The following SEMA5A variants were observed in gnomAD, a reference collection of about 807,000 sequenced individuals.
SEMA5A encodes semaphorin 5A, also known as semaphorin-5A.
A neutral mutation model predicts 135.5 loss-of-function variants in SEMA5A; 55 were observed. The ratio of observed to expected loss-of-function variants is 0.41; its 90% CI spans 0.33 to 0.51. The LOEUF is 0.51. SEMA5A is among the 20% of genes least tolerant of loss of function. The pLI is 0.37. For synonymous variants in SEMA5A, 580 were observed against 546.5 expected (o/e 1.06, Z -0.85); for missense variants, 1,290 against 1,419.9 (o/e 0.91, Z 1.47).
chr5:9,419,290 G>A (rs1757384203), intron 2 of SEMA5A, among the ~76,000 whole-genome samples: 1 of 152,200 alleles, frequency 6.6e-6, no homozygotes, highest in South Asian at 2.1e-4. Context: ...GACCAAGCAT[G>A]TGGTCGATCT....
intron 2 of SEMA5A, among the ~76,000 whole-genome samples, chr5:9,404,491 T>G (rs1314415614): frequency 1.3e-5 from 2 of 152,214 alleles, no homozygotes; most frequent in Non-Finnish European, 2.9e-5. Flanking sequence ...GCCCATAATC[T>G]TCTAATACCA....
chr5:9,473,751 G>A (rs1759568212), intron 1 of SEMA5A, among the ~76,000 whole-genome samples: 1 of 152,136 alleles, frequency 6.6e-6, no homozygotes, highest in South Asian at 2.1e-4. Context: ...GAAAAACTCA[G>A]CCCTGTAAAC....
At chr5:9,401,096 ATTCTTTTCCCAGAAT>A (rs1010434672) in intron 2 of SEMA5A, among the ~76,000 whole-genome samples, 18 of 152,200 alleles carry the variant, frequency 1.2e-4, no homozygotes, top group African/African-American at 4.3e-4. Flanking sequence ...AAAAATTTCC[ATTCTTTTCCCAGAAT>A]TTTTTTTCCA....
intron 3 of SEMA5A, among the ~76,000 whole-genome samples, chr5:9,345,027 G>A (rs1349104889): frequency 6.6e-6 from 1 of 152,122 alleles, no homozygotes; most frequent in Non-Finnish European, 1.5e-5. Flanking sequence ...GAATATCTAA[G>A]TAGAAGTACC....
intron 2 of SEMA5A, among the ~76,000 whole-genome samples, chr5:9,383,662 C>A (rs1755708940): frequency 6.6e-6 from 1 of 152,210 alleles, no homozygotes; most frequent in Admixed American, 6.5e-5. Context: ...AGAGCACATT[C>A]TTTTCTTACA....
chr5:9,373,772 A>G (rs1755240470), intron 3 of SEMA5A, among the ~76,000 whole-genome samples: 1 of 152,212 alleles, frequency 6.6e-6, no homozygotes, highest in Admixed American at 6.5e-5. Context: ...GGACCCACGC[A>G]AAGTACAGCA....
At chr5:9,258,630 C>G (rs2150508006) in intron 5 of SEMA5A, among the ~76,000 whole-genome samples, 1 of 152,160 alleles carries the variant, frequency 6.6e-6, no homozygotes, top group South Asian at 2.1e-4. Flanking sequence ...CCCTATCCCT[C>G]ATTTTTCCTC....
At chr5:9,047,553 T>C (rs1318210271) in intron 21 of SEMA5A, among the ~76,000 whole-genome samples, 1 of 152,196 alleles carries the variant, frequency 6.6e-6, no homozygotes, top group African/African-American at 2.4e-5. Flanking sequence ...TTTTCTGCTG[T>C]TGATTTTGAT....
chr5:9,162,862 G>T (rs1034178730), intron 11 of SEMA5A, among the ~76,000 whole-genome samples: 1 of 152,018 alleles, frequency 6.6e-6, no homozygotes, highest in Admixed American at 6.6e-5. Flanking sequence ...ATTTCCAAAG[G>T]TCAGACTACT....
intron 1 of SEMA5A, among the ~76,000 whole-genome samples, chr5:9,505,768 T>G (rs1263010254): frequency 6.6e-6 from 1 of 152,216 alleles, no homozygotes; most frequent in Non-Finnish European, 1.5e-5. Flanking sequence ...TTCTAACTGC[T>G]GCTAGGAGGT....
chr5:9,524,085 T>A (rs1365530367), intron 1 of SEMA5A, among the ~76,000 whole-genome samples: 1 of 152,150 alleles, frequency 6.6e-6, no homozygotes, highest in Non-Finnish European at 1.5e-5. Flanking sequence ...ATCCCCCTAG[T>A]GCAGTGTTGT....
At chr5:9,448,905 G>T (rs192111878) in intron 1 of SEMA5A, among the ~76,000 whole-genome samples, 17 of 152,286 alleles carry the variant, frequency 1.1e-4, no homozygotes, top group Admixed American at 7.2e-4. Flanking sequence ...TTAGTCAGCT[G>T]ACTTCACATT....
chr5:9,083,755 G>A (rs1434640021), intron 16 of SEMA5A, among the ~76,000 whole-genome samples: 1 of 152,172 alleles, frequency 6.6e-6, no homozygotes, highest in Non-Finnish European at 1.5e-5. Context: ...ATGTGGAAGT[G>A]CCATCAGCCT....
At chr5:9,446,663 C>A (rs756366892) in intron 1 of SEMA5A, among the ~76,000 whole-genome samples, 8 of 152,060 alleles carry the variant, frequency 5.3e-5, no homozygotes, top group Admixed American at 3.3e-4. Context: ...AATGTGGTCT[C>A]TCAATTCCTA....
At chr5:9,246,229 A>G (rs1394138910) in intron 5 of SEMA5A, among the ~76,000 whole-genome samples, 1 of 150,036 alleles carries the variant, frequency 6.7e-6, no homozygotes, top group Non-Finnish European at 1.5e-5. Flanking sequence ...ATGTAGCGAA[A>G]AAAATCAAAT....
rs114485992 is a variant in SEMA5A, at chr5:9,372,369, G to C, written c.124+7454C>G. Among the ~76,000 whole-genome samples, 396 of 150,986 alleles carry C rather than the reference G, an allele frequency of 2.6e-3. 3 individuals are homozygous for C. Among genetic ancestry groups the C allele is most frequent in the African/African-American group, 8.9e-3 (366 of 41,016 alleles). ...GGACACGCATGGAACTGTGGGACAC[G>C]CGTGGAGCCATGCGGCATGCAAGGA... On this transcript the variant is annotated intron_variant, in intron 3 of 22. Transcript: ENST00000382496.
At chr5:9,183,330 T>C (rs897386501) in intron 11 of SEMA5A, among the ~76,000 whole-genome samples, 1 of 152,158 alleles carries the variant, frequency 6.6e-6, no homozygotes, top group Non-Finnish European at 1.5e-5. Context: ...GACATCCCTC[T>C]GGGTGAGGCT....
At position 9,335,392 on chromosome 5, in the gene SEMA5A, T is replaced by C. The variant is rs1483482382; in HGVS notation, c.224+2321A>G. On this transcript the variant is annotated intron_variant, in intron 4 of 22. Transcript: ENST00000382496. ...AAGACATCTCTTCAAAATACCCTAA[T>C]TTGCTCTGTGGCTTCTCACATCCCT... Among the ~76,000 whole-genome samples the C allele has an allele frequency of 2.0e-5, 3 of 152,290 alleles. No homozygotes were observed. The East Asian group carries it at 5.8e-4, about 29-fold the overall frequency.
At chr5:9,538,556 C>T (rs1031893966) in intron 1 of SEMA5A, among the ~76,000 whole-genome samples, 1 of 152,210 alleles carries the variant, frequency 6.6e-6, no homozygotes, top group Non-Finnish European at 1.5e-5. Flanking sequence ...CAAAGATGTT[C>T]CCCCTGAGCT....
Sources: allele counts gnomAD v4.1 joint callset (sites outside exome capture counted in the v4.1 genomes callset), GRCh38; gene constraint gnomAD v4.1.1; transcripts MANE v1.5; gene names NCBI Gene and HGNC (gene_info 2026-07-23, HGNC 2026-07-21).